Variants in TBX5 observed in about 807,000 individuals in gnomAD.
TBX5 encodes the protein T-box transcription factor 5.
Under a neutral mutation model 51.1 loss-of-function variants are expected in TBX5, and 8 were observed. That is an observed-to-expected ratio of 0.16 (90% CI 0.09 to 0.28). The LOEUF (loss-of-function observed/expected upper bound fraction) is 0.28, where lower values mean the gene tolerates loss of function less well. Ranked by LOEUF, TBX5 falls within the 10% of genes least tolerant of loss-of-function variation. The pLI, the probability that TBX5 is intolerant of heterozygous loss-of-function variation, is 1.00. For missense variants in TBX5, 589 were observed against 671.7 expected, an observed-to-expected ratio of 0.88 and a Z score of 1.36; for synonymous variants, 302 against 266.4, an observed-to-expected ratio of 1.13 and a Z score of -1.30.
chr12:114,377,436 G>A (rs1236008730), intron 7 of TBX5, among the ~76,000 whole-genome samples: 1 of 152,112 alleles, frequency 6.6e-6, no homozygotes, highest in South Asian at 2.1e-4. Flanking sequence ...TGTTGCTCAG[G>A]CTGGAATGCA....
intron 2 of TBX5, among the ~76,000 whole-genome samples, chr12:114,402,734 C>T (rs1449442034): frequency 6.6e-6 from 1 of 152,018 alleles, no homozygotes; most frequent in African/African-American, 2.4e-5. Context: ...CATATGTGCA[C>T]ACACACATAC....
intron 8 of TBX5, among the ~76,000 whole-genome samples, chr12:114,361,160 G>A (rs1206902671): frequency 6.6e-6 from 1 of 152,126 alleles, no homozygotes; most frequent in Non-Finnish European, 1.5e-5. Context: ...ATCTAACCCT[G>A]TCTCTTGGTC....
At chr12:114,359,733 C>T (rs1278636697) in intron 8 of TBX5, among the ~76,000 whole-genome samples, 1 of 152,158 alleles carries the variant, frequency 6.6e-6, no homozygotes, top group Admixed American at 6.5e-5. Context: ...GTTACAGCTC[C>T]AATGCTCGCT....
intron 3 of TBX5, among the ~76,000 whole-genome samples, chr12:114,400,556 G>T (rs960586206): frequency 3.3e-5 from 5 of 152,232 alleles, no homozygotes; most frequent in African/African-American, 1.2e-4. Flanking sequence ...AGCGATGGCG[G>T]GAACGGTCGA....
chr12:114,403,766 C>T lies in TBX5; in HGVS notation c.133G>A (p.Ala45Thr), dbSNP rs942514260. The T allele has an allele frequency of 3.1e-6, 5 of 1,613,540 alleles. No individual in the cohort carries two copies. In the African/African-American group the frequency reaches 6.7e-5, roughly 22 times the overall value. ...PSKSPSSPQA[A>T]FTQQGMEGIK... Reference sequence around the variant, plus strand: ...GGTCTCCTTACCTGCTGGGTGAAGGCGGCCTGCGGGGACGACGGGGACTTG... The same window carrying T: ...GGTCTCCTTACCTGCTGGGTGAAGGTGGCCTGCGGGGACGACGGGGACTTG... The change falls in exon 2 of 9, where the codon GCC becomes ACC. Residue 45 changes from alanine to threonine, a missense_variant. Transcript: ENST00000405440.
At chr12:114,366,144 A>G (rs1234814421) in intron 8 of TBX5, 21 bp downstream of exon 8, 1 of 1,612,790 alleles carries the variant, frequency 6.2e-7, no homozygotes, top group Non-Finnish European at 8.5e-7. Context: ...AAGCAAATTG[A>G]CCAGGGGTGA....
chr12:114,361,884 G>C (rs559239480), intron 8 of TBX5, among the ~76,000 whole-genome samples: 4 of 152,242 alleles, frequency 2.6e-5, no homozygotes, highest in African/African-American at 7.2e-5. Flanking sequence ...CTCCCTTTTG[G>C]GGGTGGAGGG....
At position 114,396,253 on chromosome 12, in the gene TBX5, C is replaced by A. The variant is rs1176429708; in HGVS notation, c.511-1360G>T. Among the ~76,000 whole-genome samples the A allele has an allele frequency of 2.0e-5, 3 of 151,848 alleles. No homozygotes were observed. In the East Asian group the frequency reaches 5.9e-4, roughly 30 times the overall value. ...CGCCGTGGCCCGGCCGCCTCCCCGG[C>A]CGATAGCGACGCCGACCGGGGCGGC... On this transcript the variant is annotated intron_variant, in intron 5 of 8. Transcript: ENST00000405440.
intron 3 of TBX5, among the ~76,000 whole-genome samples, chr12:114,401,386 G>A (rs1871802479): frequency 6.6e-6 from 1 of 152,154 alleles, no homozygotes; most frequent in Non-Finnish European, 1.5e-5. Context: ...CAGGGAGGGT[G>A]GGAATGAGGA....
At chr12:114,396,112 C>T (rs1439607511) in intron 5 of TBX5, among the ~76,000 whole-genome samples, 1 of 152,080 alleles carries the variant, frequency 6.6e-6, no homozygotes, top group Non-Finnish European at 1.5e-5. Flanking sequence ...GAGTCCGGCC[C>T]CGATCGAGTG....
At chr12:114,383,020 A>G (rs1053010964) in intron 7 of TBX5, among the ~76,000 whole-genome samples, 1 of 150,128 alleles carries the variant, frequency 6.7e-6, no homozygotes, top group Admixed American at 6.6e-5. Context: ...GACTCCCTTG[A>G]TGACTGACAT....
Position 114,354,490 on chromosome 12 carries a change from C to A in TBX5, c.*1042G>T, listed in dbSNP as rs926421576. The stretch of plus-strand genomic sequence containing the variant: ...TATCATTGGTGACTGTGTCTTGCCT[C>A]TTCTGTAGGAATTGTGCATTTTGCT... On this transcript the variant is annotated 3_prime_UTR_variant, in exon 9 of 9. Transcript: ENST00000405440. 22 of 151,954 alleles carry A rather than the reference C, an allele frequency of 1.4e-4. No homozygotes were observed. Among genetic ancestry groups the A allele is most frequent in the African/African-American group, 5.3e-4 (22 of 41,334 alleles). 9.4% of individuals were successfully genotyped at this position (151,954 alleles called of 1,614,324 possible). A position where few individuals can be genotyped will look rare whatever the true frequency, so the allele number is the denominator to read the frequency against.
rs1317127801 is a variant in TBX5, at chr12:114,356,010, T to A, written c.1079A>T (p.Gln360Leu). ...EDSFYRSSYP[Q>L]QQGLGASYRT... is the part of the protein sequence containing the mutation. ...GTAGGAGGCACCCAGGCCCTGCTGC[T>A]GTGGATAGCTAGAGCGGTAGAAGGA... The change falls in exon 9 of 9, where the codon CAG becomes CTG. Residue 360 changes from glutamine to leucine, a missense_variant. Gln to Leu is a moderately radical substitution (Grantham distance 113, BLOSUM62 -2). Coordinates refer to ENST00000405440, the MANE Select transcript of TBX5 (RefSeq NM_181486.4). The A allele has an allele frequency of 1.2e-6, 2 of 1,614,146 alleles. No homozygotes were observed. Among genetic ancestry groups the A allele is most frequent in the South Asian group, 2.2e-5 (2 of 91,076 alleles).
chr12:114,407,782 T>A (rs77832280), upstream of TBX5: 1 of 985,388 alleles, frequency 1.0e-6, no homozygotes. Flanking sequence ...AGAAACCTAT[T>A]TCCCCCCTCA....
At chr12:114,401,993 A>G in intron 2 of TBX5, 73 bp from the exon 3 acceptor site, 1 of 1,309,798 alleles carries the variant, frequency 7.6e-7, no homozygotes, top group Non-Finnish European at 1.1e-6. Flanking sequence ...AACTCCCCCA[A>G]AACACAGAGA....
At chr12:114,387,136 A>G (rs1196342412) in intron 6 of TBX5, among the ~76,000 whole-genome samples, 1 of 152,048 alleles carries the variant, frequency 6.6e-6, no homozygotes, top group African/African-American at 2.4e-5. Context: ...AAAAACAAAC[A>G]AACAAAAAAC....
Position 114,401,845 on chromosome 12 carries a change from T to C in TBX5, c.223A>G (p.Ile75Val). Residue 75 changes from isoleucine (I) to valine (V), a missense_variant, in exon 3 of 9, where the codon ATC (isoleucine) becomes GTC (valine). Physicochemically the swap from Ile to Val is conservative, Grantham distance 29. Transcript: ENST00000405440. ...TCTCACCTTCCAGCCTTGGTTATGA[T>C]CATTTCCGTGCCCACTTCGTGGAAT... Reference protein sequence around the residue: ...LKFHEVGTEMIITKAGRRMFP... With the variant: ...LKFHEVGTEMVITKAGRRMFP... 2 of 1,614,204 alleles carry C rather than the reference T, an allele frequency of 1.2e-6. No homozygotes were observed. The highest frequency in any genetic ancestry group is 1.7e-6 in the Non-Finnish European group (2 of 1,180,028).
intron 2 of TBX5, among the ~76,000 whole-genome samples, chr12:114,403,246 G>C (rs1593885461): frequency 3.9e-5 from 6 of 152,222 alleles, no homozygotes; most frequent in Admixed American, 3.9e-4. Flanking sequence ...GGTGCGGCGC[G>C]CGGGTCTAGT....
chr12:114,369,017 A>C (rs1349948993), intron 7 of TBX5, among the ~76,000 whole-genome samples: 1 of 152,180 alleles, frequency 6.6e-6, no homozygotes, highest in African/African-American at 2.4e-5. Context: ...AAAAAAGAAA[A>C]AAAGAAAAAG....
Sources: gnomAD v4.1 joint callset for allele counts (sites outside exome capture counted in the v4.1 genomes callset) on GRCh38, gnomAD v4.1.1 for gene constraint, MANE v1.5 for transcripts, NCBI Gene and HGNC (gene_info 2026-07-23, HGNC 2026-07-21) for gene names.